The following CHST9 variants were observed in gnomAD, a reference collection of about 807,000 sequenced individuals.
CHST9 encodes the protein carbohydrate sulfotransferase 9.
Under a neutral mutation model 44.4 loss-of-function variants are expected in CHST9, and 41 were observed. The ratio of observed to expected loss-of-function variants is 0.92; its 90% CI spans 0.72 to 1.20. CHST9 has a LOEUF of 1.20. Among genes scored for constraint, CHST9 ranks in the 50% most tolerant of loss-of-function variants. CHST9 has a pLI of 0.00. For missense variants in CHST9, 504 were observed against 516.5 expected (o/e 0.98, Z 0.23); for synonymous variants, 171 against 178.4 (o/e 0.96, Z 0.33).
intron 1 of CHST9, among the ~76,000 whole-genome samples, chr18:27,159,825 G>A (rs866873267): frequency 2.0e-4 from 31 of 152,122 alleles, no homozygotes; most frequent in African/African-American, 5.5e-4. Context: ...GGTCCTTTAC[G>A]TCCCTTGTAA....
intron 4 of CHST9, among the ~76,000 whole-genome samples, chr18:27,005,763 G>A (rs1009741553): frequency 6.6e-6 from 1 of 152,040 alleles, no homozygotes; most frequent in African/African-American, 2.4e-5. Context: ...GAGGTGAGGG[G>A]GAAGCTCTTC....
At chr18:27,118,771 G>A (rs1357851364) in intron 2 of CHST9, among the ~76,000 whole-genome samples, 2 of 152,210 alleles carry the variant, frequency 1.3e-5, no homozygotes, top group African/African-American at 2.4e-5. Flanking sequence ...CTTAGCCACT[G>A]GTGAGGTCAG....
intron 5 of CHST9, among the ~76,000 whole-genome samples, chr18:26,938,702 T>G (rs568305089): frequency 2.6e-4 from 39 of 152,362 alleles, no homozygotes; most frequent in African/African-American, 9.4e-4. Flanking sequence ...TTTAATGTTC[T>G]GCAGGCAATA....
chr18:27,162,456 T>C (rs972146068), intron 1 of CHST9, among the ~76,000 whole-genome samples: 1 of 152,200 alleles, frequency 6.6e-6, no homozygotes, highest in Non-Finnish European at 1.5e-5. Flanking sequence ...TTCTGGCTTG[T>C]AGAGTTTCTG....
At chr18:26,979,518 A>G (rs1224234151) in intron 4 of CHST9, among the ~76,000 whole-genome samples, 2 of 151,820 alleles carry the variant, frequency 1.3e-5, no homozygotes, top group African/African-American at 2.4e-5. Flanking sequence ...GTTCTTCCTC[A>G]TCTTCCTTTG....
At chr18:27,066,952 T>C (rs2057788056) in intron 2 of CHST9, among the ~76,000 whole-genome samples, 1 of 152,196 alleles carries the variant, frequency 6.6e-6, no homozygotes, top group African/African-American at 2.4e-5. Context: ...TACGTTTCTG[T>C]GGTGGTTTCT....
chr18:27,124,662 G>T (rs2058404747), intron 2 of CHST9, among the ~76,000 whole-genome samples: 1 of 152,188 alleles, frequency 6.6e-6, no homozygotes, highest in Admixed American at 6.5e-5. Flanking sequence ...TCAGGTTGCA[G>T]TTATAACTTT....
intron 2 of CHST9, among the ~76,000 whole-genome samples, chr18:27,130,390 G>A (rs1233939090): frequency 6.6e-6 from 1 of 152,158 alleles, no homozygotes; most frequent in Non-Finnish European, 1.5e-5. Context: ...AGCAGATTCT[G>A]TGTCTTATAT....
intron 2 of CHST9, among the ~76,000 whole-genome samples, chr18:27,118,358 A>G (rs1389133810): frequency 3.3e-5 from 5 of 152,194 alleles, no homozygotes. Context: ...CAATCTCATG[A>G]CATTGTCTTA....
intron 2 of CHST9, among the ~76,000 whole-genome samples, chr18:27,112,939 C>T (rs1401924777): frequency 6.6e-6 from 1 of 152,078 alleles, no homozygotes; most frequent in Non-Finnish European, 1.5e-5. Context: ...CCTGTAATCC[C>T]AGCACTTTGA....
chr18:27,044,814 T>C (rs2057481082), intron 3 of CHST9, among the ~76,000 whole-genome samples: 1 of 151,258 alleles, frequency 6.6e-6, no homozygotes, highest in African/African-American at 2.4e-5. Context: ...ATGTTATTCA[T>C]GCACAGATGG....
In CHST9 at chr18:26,916,567, G is replaced by T; in HGVS notation, c.1024C>A (p.Arg342Ser). 6.2e-7 allele frequency: 1 copy of T among 1,613,578 alleles called. No homozygotes were observed. The highest frequency in any genetic ancestry group is 8.5e-7 in the Non-Finnish European group (1 of 1,179,558). Reference sequence around the variant, plus strand: ...CAGTGAATGTCCATTCCTACTGGACGGTGGGAATCCAGCAAGTAGTGGATA... The same window carrying T: ...CAGTGAATGTCCATTCCTACTGGACTGTGGGAATCCAGCAAGTAGTGGATA... Reference protein sequence around the residue: ...EFIHYLLDSHRPVGMDIHWEK... With the variant: ...EFIHYLLDSHSPVGMDIHWEK... The change falls in exon 6 of 6, where the codon CGT becomes AGT. Residue 342 changes from arginine to serine, a missense_variant. Coordinates refer to ENST00000618847, the MANE Select transcript of CHST9 (RefSeq NM_031422.6).
intron 2 of CHST9, among the ~76,000 whole-genome samples, chr18:27,050,126 C>T (rs1361228263): frequency 6.6e-6 from 1 of 152,004 alleles, no homozygotes; most frequent in Admixed American, 6.6e-5. Context: ...AGAGAGACTG[C>T]GAGGGTTTGG....
chr18:26,915,160 T>A lies in CHST9; in HGVS notation c.*1099A>T. ...AACTTAAAAAGAAAATACCTTAATT[T>A]ACTTATGCATAAGCCTATTAAACAC... On this transcript the variant is annotated 3_prime_UTR_variant, in exon 6 of 6. Coordinates refer to ENST00000618847, the MANE Select transcript of CHST9 (RefSeq NM_031422.6). The A allele has an allele frequency of 2.6e-6, 1 of 391,532 alleles. No homozygotes were observed. The highest frequency in any genetic ancestry group is 4.5e-6 in the Non-Finnish European group (1 of 221,872). The allele number at this position is 391,532 out of a possible 1,614,324, so 24.3% of individuals were successfully genotyped here.
chr18:27,008,342 C>G (rs1234586443), intron 4 of CHST9, among the ~76,000 whole-genome samples: 1 of 152,168 alleles, frequency 6.6e-6, no homozygotes, highest in African/African-American at 2.4e-5. Flanking sequence ...ACTGACCTAA[C>G]TAAAGAAGTA....
intron 1 of CHST9, among the ~76,000 whole-genome samples, chr18:27,173,199 G>C (rs1343066988): frequency 6.6e-6 from 1 of 151,980 alleles, no homozygotes; most frequent in South Asian, 2.1e-4. Flanking sequence ...CGAGAGCTTT[G>C]TCTTTTGATA....
At chr18:26,972,583 A>G (rs959580718) in intron 4 of CHST9, among the ~76,000 whole-genome samples, 3 of 152,110 alleles carry the variant, frequency 2.0e-5, no homozygotes, top group African/African-American at 7.2e-5. Flanking sequence ...AGTTTGGGGC[A>G]TGAGGCCTTG....
chr18:27,062,575 G>A (rs542418498), intron 2 of CHST9, among the ~76,000 whole-genome samples: 1 of 152,248 alleles, frequency 6.6e-6, no homozygotes, highest in East Asian at 1.9e-4. Flanking sequence ...GGACATTTGG[G>A]TTGGTTCCAA....
intron 4 of CHST9, among the ~76,000 whole-genome samples, chr18:27,003,600 A>G (rs970501459): frequency 2.0e-5 from 3 of 152,154 alleles, no homozygotes; most frequent in African/African-American, 7.2e-5. Flanking sequence ...CATTTCTCCT[A>G]TAAGGTGTTG....
Sources: allele counts gnomAD v4.1 joint callset (sites outside exome capture counted in the v4.1 genomes callset), GRCh38; gene constraint gnomAD v4.1.1; transcripts MANE v1.5; gene names NCBI Gene and HGNC (gene_info 2026-07-23, HGNC 2026-07-21).